TMEM163: variants seen among roughly 807,000 people sequenced by gnomAD.
TMEM163 encodes the protein transmembrane protein 163.
TMEM163 carries 17 observed loss-of-function variants against 29.3 expected under a neutral mutation model. The observed-to-expected ratio is 0.58, with a 90% CI of 0.40 to 0.87. The LOEUF (loss-of-function observed/expected upper bound fraction) is 0.87. TMEM163 is among the 40% of genes least tolerant of loss of function. TMEM163 has a pLI of 0.00. For missense variants in TMEM163, 303 were observed against 381.5 expected (o/e 0.79, Z 1.71); for synonymous variants, 157 against 160.6 (o/e 0.98, Z 0.17).
At chr2:134,711,562 A>G (rs1684927900) in intron 2 of TMEM163, among the ~76,000 whole-genome samples, 1 of 152,250 alleles carries the variant, frequency 6.6e-6, no homozygotes, top group African/African-American at 2.4e-5. Flanking sequence ...AGAAAAAGAA[A>G]GAGAAGCCCT....
At chr2:134,583,514 C>A (rs901352701) in intron 2 of TMEM163, among the ~76,000 whole-genome samples, 2 of 152,184 alleles carry the variant, frequency 1.3e-5, no homozygotes, top group African/African-American at 4.8e-5. Flanking sequence ...ACTCAAACCC[C>A]ATGGAGAAGG....
At chr2:134,621,340 T>C (rs1448157128) in intron 2 of TMEM163, among the ~76,000 whole-genome samples, 2 of 152,158 alleles carry the variant, frequency 1.3e-5, no homozygotes. Flanking sequence ...TAGCACATGG[T>C]ATGGAAAAAC....
intron 2 of TMEM163, among the ~76,000 whole-genome samples, chr2:134,573,013 TGGA>T (rs1370756471): frequency 6.6e-6 from 1 of 152,194 alleles, no homozygotes; most frequent in African/African-American, 2.4e-5. Context: ...CCAAAGCTGC[TGGA>T]CTGGCTACCG....
chr2:134,551,611 T>C (rs1680926135), intron 3 of TMEM163, among the ~76,000 whole-genome samples: 1 of 152,118 alleles, frequency 6.6e-6, no homozygotes, highest in Admixed American at 6.5e-5. Context: ...TTTCTCCAAC[T>C]AGCTTCCATC....
At chr2:134,717,742 C>A (rs1685066179) in intron 1 of TMEM163, among the ~76,000 whole-genome samples, 1 of 152,220 alleles carries the variant, frequency 6.6e-6, no homozygotes, top group Non-Finnish European at 1.5e-5. Context: ...TTAGCAGAAC[C>A]ACAGATTCGT....
At chr2:134,485,798 G>A (rs1679294077) in intron 5 of TMEM163, among the ~76,000 whole-genome samples, 1 of 152,034 alleles carries the variant, frequency 6.6e-6, no homozygotes, top group African/African-American at 2.4e-5. Context: ...CACTTCTTCA[G>A]AAACACTAGG....
At chr2:134,516,652 T>C (rs1396357348) in intron 4 of TMEM163, among the ~76,000 whole-genome samples, 2 of 147,888 alleles carry the variant, frequency 1.4e-5, no homozygotes, top group Non-Finnish European at 3.0e-5. Flanking sequence ...CTTATATTCA[T>C]ACATATATTC....
intron 2 of TMEM163, among the ~76,000 whole-genome samples, chr2:134,578,255 C>T (rs1681610582): frequency 6.6e-6 from 1 of 152,168 alleles, no homozygotes; most frequent in Admixed American, 6.5e-5. Flanking sequence ...AGTCCACTTA[C>T]AGATTCTGCT....
chr2:134,595,615 C>A (rs555288358), intron 2 of TMEM163, among the ~76,000 whole-genome samples: 1 of 152,270 alleles, frequency 6.6e-6, no homozygotes, highest in African/African-American at 2.4e-5. Context: ...ATTTATAACG[C>A]TTTAGGTATA....
intron 2 of TMEM163, among the ~76,000 whole-genome samples, chr2:134,637,132 C>G (rs975800059): frequency 6.6e-6 from 1 of 152,244 alleles, no homozygotes; most frequent in Non-Finnish European, 1.5e-5. Context: ...GTCTAGGCAG[C>G]AGGCAAGGTG....
chr2:134,641,314 C>T (rs1253726244), intron 2 of TMEM163, among the ~76,000 whole-genome samples: 1 of 152,156 alleles, frequency 6.6e-6, no homozygotes, highest in African/African-American at 2.4e-5. Flanking sequence ...CTGATTCCCA[C>T]CTCACACCAT....
In TMEM163 at chr2:134,456,098, G is replaced by GGA. The variant is rs1686381153; in HGVS notation, c.*617_*618insTC. On this transcript the variant is annotated 3_prime_UTR_variant, in exon 8 of 8. Coordinates refer to ENST00000281924, the MANE Select transcript of TMEM163 (RefSeq NM_030923.5). The stretch of plus-strand genomic sequence containing the variant: ...TGAATGTACAAGAAAAGGTCAATGT[G>GGA]CTTATTTAATTCGTCCATGCAAAGC... The GGA allele has an allele frequency of 6.5e-6, 1 of 152,678 alleles. No individual in the cohort carries two copies. The highest frequency in any genetic ancestry group is 1.5e-5 in the Non-Finnish European group (1 of 68,102). The allele number at this position is 152,678 out of a possible 1,614,324, so 9.5% of individuals were successfully genotyped here.
intron 2 of TMEM163, among the ~76,000 whole-genome samples, chr2:134,639,985 A>G (rs1683190757): frequency 6.6e-6 from 1 of 152,182 alleles, no homozygotes; most frequent in Non-Finnish European, 1.5e-5. Context: ...TTCCTTAAAA[A>G]TAAACCCCAG....
chr2:134,584,017 T>A (rs1681756036), intron 2 of TMEM163, among the ~76,000 whole-genome samples: 1 of 152,166 alleles, frequency 6.6e-6, no homozygotes, highest in South Asian at 2.1e-4. Flanking sequence ...CACTGCTCCA[T>A]CTCCAGGGCC....
intron 2 of TMEM163, among the ~76,000 whole-genome samples, chr2:134,576,008 AT>A (rs1681547400): frequency 6.6e-6 from 1 of 152,150 alleles, no homozygotes; most frequent in African/African-American, 2.4e-5. Context: ...AAAGAAACAA[AT>A]GACACCCATG....
chr2:134,684,493 T>C (rs1162538402), intron 2 of TMEM163, among the ~76,000 whole-genome samples: 4 of 152,166 alleles, frequency 2.6e-5, no homozygotes, highest in African/African-American at 9.7e-5. Flanking sequence ...GGTTTTCTTC[T>C]GAGGGAACCC....
chr2:134,663,813 T>G (rs1231642930), intron 2 of TMEM163, among the ~76,000 whole-genome samples: 1 of 152,214 alleles, frequency 6.6e-6, no homozygotes, highest in Non-Finnish European at 1.5e-5. Context: ...ACCCTCCACA[T>G]CTGACTCCTG....
At chr2:134,665,274 G>A (rs1683849572) in intron 2 of TMEM163, among the ~76,000 whole-genome samples, 1 of 152,174 alleles carries the variant, frequency 6.6e-6, no homozygotes, top group South Asian at 2.1e-4. Context: ...GGGGAGGCCT[G>A]ACAATCATGG....
At chr2:134,551,635 G>A (rs893255971) in intron 3 of TMEM163, among the ~76,000 whole-genome samples, 2 of 152,158 alleles carry the variant, frequency 1.3e-5, no homozygotes, top group African/African-American at 2.4e-5. Flanking sequence ...AGGCCAGCTG[G>A]GAAGCCAGGT....
Sources: gnomAD v4.1 joint callset for allele counts (sites outside exome capture counted in the v4.1 genomes callset) on GRCh38, gnomAD v4.1.1 for gene constraint, MANE v1.5 for transcripts, NCBI Gene and HGNC (gene_info 2026-07-23, HGNC 2026-07-21) for gene names.